Variants in PTAR1 observed in about 807,000 individuals in gnomAD.
The protein encoded by PTAR1 is protein prenyltransferase alpha subunit repeat-containing protein 1.
In PTAR1, 17 loss-of-function variants were observed where a neutral mutation model predicts 45.5. The ratio of observed to expected loss-of-function variants is 0.37; its 90% CI spans 0.26 to 0.56. The LOEUF (loss-of-function observed/expected upper bound fraction) is 0.56. PTAR1 is among the 20% of genes least tolerant of loss of function. The pLI, the probability that PTAR1 is intolerant of heterozygous loss-of-function variation, is 0.77. For synonymous variants in PTAR1, 169 were observed against 171.3 expected, an observed-to-expected ratio of 0.99 and a Z score of 0.11; for missense variants, 391 against 476.3, an observed-to-expected ratio of 0.82 and a Z score of 1.67.
At chr9:69,756,837 T>C (rs1157147889) in intron 1 of PTAR1, among the ~76,000 whole-genome samples, 1 of 152,006 alleles carries the variant, frequency 6.6e-6, no homozygotes, top group Non-Finnish European at 1.5e-5. Context: ...GCAGTTAGTC[T>C]TAGGTCTCAT....
intron 4 of PTAR1, among the ~76,000 whole-genome samples, 154 bp downstream of exon 4, chr9:69,733,996 C>T (rs1321698727): frequency 3.9e-5 from 6 of 151,956 alleles, no homozygotes; most frequent in Non-Finnish European, 7.4e-5. Context: ...ACTTAGGTAG[C>T]AAGTTATATA....
rs371331727 is a variant in PTAR1 at position 69,723,628 on chromosome 9, A to T, written c.645T>A (p.Ile215=). Residue 215 remains isoleucine (I), a splice_region_variant and synonymous_variant, in exon 6 of 8, where the codon ATT becomes ATA. Coordinates refer to ENST00000340434, the MANE Select transcript of PTAR1 (RefSeq NM_001099666.2). ...LQHLAKLDVK[I]LLDELSSTKH... is the part of the protein sequence containing the mutation. Reference sequence around the variant, plus strand: ...TAGTAGAAGATAGTTCATCAAGAAGAATCTTTTAAGAAGAAAAAAGGGAAG... The same window carrying T: ...TAGTAGAAGATAGTTCATCAAGAAGTATCTTTTAAGAAGAAAAAAGGGAAG... The T allele has an allele frequency of 6.3e-7, 1 of 1,597,138 alleles. No individual in the cohort carries two copies. Among genetic ancestry groups the T allele is most frequent in the Non-Finnish European group, 8.5e-7 (1 of 1,170,284 alleles).
In PTAR1 at chr9:69,750,928, A is replaced by C; in HGVS notation, c.109T>G (p.Cys37Gly). 1.0e-5 allele frequency: 16 copies of C among 1,601,136 alleles called. No individual in the cohort carries two copies. The highest frequency in any genetic ancestry group is 1.4e-5 in the Non-Finnish European group (16 of 1,174,128). ...CTCCGGTTATACCTAGCTTCAGGAC[A>C]TGGGATCAGGCCAATTTCATCTCTT... ...PHIDEIGLIP[C>G]PEARYNRSPI... The change falls in exon 2 of 8, where the codon TGT becomes GGT. Residue 37 changes from cysteine (C) to glycine (G), a missense_variant. Physicochemically the swap from Cys to Gly is radical, Grantham distance 159. Transcript: ENST00000340434.
At chr9:69,725,123 ACAG>A (rs1320922389) in intron 5 of PTAR1, among the ~76,000 whole-genome samples, 1 of 152,202 alleles carries the variant, frequency 6.6e-6, no homozygotes, top group Non-Finnish European at 1.5e-5. Flanking sequence ...TGGCTATAAT[ACAG>A]CAGCTTTTTT....
At position 69,729,496 on chromosome 9, in the gene PTAR1, C is replaced by T. The variant is rs973043297; in HGVS notation, c.642+2643G>A. ...AAGGGCTACAGCTTTTCTAGTTTTT[C>T]ACTACTATAAATGCTACTTTTATAT... On this transcript the variant is annotated intron_variant, in intron 5 of 7. Transcript: ENST00000340434. Among the ~76,000 whole-genome samples, 9 of 152,200 alleles carry T rather than the reference C, an allele frequency of 5.9e-5. No homozygotes were observed. The East Asian group carries it at 1.7e-3, about 29-fold the overall frequency.
rs2134061646 is a variant in PTAR1, at chr9:69,714,219, CA to C, written c.*4122del. On this transcript the variant is annotated 3_prime_UTR_variant, in exon 8 of 8. Coordinates refer to ENST00000340434, the MANE Select transcript of PTAR1 (RefSeq NM_001099666.2). ...TTCTATTTGAGAAATTTATTCAAGA[CA>C]AAAGGTTCAGTTGTTATCAGGTTCA... 1 of 152,040 alleles carries C rather than the reference CA, an allele frequency of 6.6e-6. No homozygotes were observed. The highest frequency in any genetic ancestry group is 2.4e-5 in the African/African-American group (1 of 41,482). 9.4% of individuals were successfully genotyped at this position (152,040 alleles called of 1,614,324 possible). A position where few individuals can be genotyped will look rare whatever the true frequency, so the allele number is the denominator to read the frequency against.
In PTAR1 at chr9:69,716,225, C is replaced by G. The variant is rs1464369405; in HGVS notation, c.*2117G>C. The G allele has an allele frequency of 1.3e-5, 2 of 152,028 alleles. No individual in the cohort carries two copies. The highest frequency in any genetic ancestry group is 4.8e-5 in the African/African-American group (2 of 41,396). The allele number at this position is 152,028 out of a possible 1,614,324, so 9.4% of individuals were successfully genotyped here. A position where few individuals can be genotyped will look rare whatever the true frequency, so the allele number is the denominator to read the frequency against. On this transcript the variant is annotated 3_prime_UTR_variant, in exon 8 of 8. Transcript: ENST00000340434. ...TATTTTAGTGGAATGGGCTGAACCACCCATGTCTTCTCTGTGTAGTTTGCC... is the reference window on the plus strand; with the variant it reads ...TATTTTAGTGGAATGGGCTGAACCAGCCATGTCTTCTCTGTGTAGTTTGCC...
intron 5 of PTAR1, among the ~76,000 whole-genome samples, chr9:69,726,524 T>C (rs1460747013): frequency 1.3e-5 from 2 of 152,058 alleles, no homozygotes; most frequent in Admixed American, 1.3e-4. Flanking sequence ...AAAAAAACTT[T>C]ATAAAGTTCT....
chr9:69,728,877 T>A (rs7850854), intron 5 of PTAR1, among the ~76,000 whole-genome samples: 3 of 152,074 alleles, frequency 2.0e-5, no homozygotes, highest in Non-Finnish European at 4.4e-5. Flanking sequence ...AAAACAAATA[T>A]ATGCTTTTAT....
At chr9:69,740,657 A>G (rs200979165) in intron 3 of PTAR1, among the ~76,000 whole-genome samples, 59,472 of 146,544 alleles carry the variant, frequency 0.41, 12,285 homozygotes, top group East Asian at 0.48. Flanking sequence ...CAAAGGGGAA[A>G]AAAAAAAAAA....
chr9:69,718,623 A>C, intron 7 of PTAR1, 27 bp downstream of exon 7: 1 of 1,612,920 alleles, frequency 6.2e-7, no homozygotes, highest in Non-Finnish European at 8.5e-7. Context: ...GCAGGTGACA[A>C]CTGGGTCATG....
At chr9:69,734,114 C>T in intron 4 of PTAR1, 36 bp downstream of exon 4, 1 of 1,131,220 alleles carries the variant, frequency 8.8e-7, no homozygotes, top group Non-Finnish European at 1.3e-6. Context: ...CAGTCTGAAT[C>T]CTAAGTAAGA....
In PTAR1 at chr9:69,725,603, A is replaced by T. The variant is rs527643884; in HGVS notation, c.643-1973T>A. On this transcript the variant is annotated intron_variant, in intron 5 of 7. Coordinates refer to ENST00000340434, the MANE Select transcript of PTAR1 (RefSeq NM_001099666.2). ...AGACTCCATCTCAAAAAAGAAAAAA[A>T]ATATATATATATATTTTCAACAAAA... Among the ~76,000 whole-genome samples, 204 of 151,174 alleles carry T rather than the reference A, an allele frequency of 1.3e-3. 1 individual carries two copies. The highest frequency in any genetic ancestry group is 4.5e-3 in the African/African-American group (186 of 41,330).
chr9:69,713,300 C>T lies in PTAR1; in HGVS notation c.*5042G>A, dbSNP rs1284931728. On this transcript the variant is annotated 3_prime_UTR_variant, in exon 8 of 8. Coordinates refer to ENST00000340434, the MANE Select transcript of PTAR1 (RefSeq NM_001099666.2). ...GGTTTCCTCTCCCACCTGAGATCCA[C>T]AACTGATTCATTGGTTTTCTGTCTT... is the stretch of plus-strand genomic sequence containing the variant. 2 of 152,130 alleles carry T rather than the reference C, an allele frequency of 1.3e-5. No individual in the cohort carries two copies. Among genetic ancestry groups the T allele is most frequent in the Non-Finnish European group, 2.9e-5 (2 of 68,018 alleles). 9.4% of individuals were successfully genotyped at this position (152,130 alleles called of 1,614,324 possible). A position where few individuals can be genotyped will look rare whatever the true frequency, so the allele number is the denominator to read the frequency against.
At chr9:69,749,803 G>A (rs1826442703) in intron 2 of PTAR1, among the ~76,000 whole-genome samples, 2 of 152,062 alleles carry the variant, frequency 1.3e-5, no homozygotes, top group African/African-American at 4.8e-5. Flanking sequence ...TCACTCAACT[G>A]TAAGCTTCCT....
At chr9:69,728,783 G>C (rs1564131604) in intron 5 of PTAR1, among the ~76,000 whole-genome samples, 1 of 152,026 alleles carries the variant, frequency 6.6e-6, no homozygotes, top group Non-Finnish European at 1.5e-5. Flanking sequence ...ACATCAGAGA[G>C]AACATAAAAT....
rs1824603860 is a variant in PTAR1, at chr9:69,713,495, A to T, written c.*4847T>A. 1 of 152,178 alleles carries T rather than the reference A, an allele frequency of 6.6e-6. No individual in the cohort carries two copies. The highest frequency in any genetic ancestry group is 2.4e-5 in the African/African-American group (1 of 41,452). The allele number at this position is 152,178 out of a possible 1,614,324, so 9.4% of individuals were successfully genotyped here. ...CATATACAAACAGATAAAATGATAC[A>T]TTTAAAATTTCATCTACGCATTTAC... is the stretch of plus-strand genomic sequence containing the variant. On this transcript the variant is annotated 3_prime_UTR_variant, in exon 8 of 8. Coordinates refer to ENST00000340434, the MANE Select transcript of PTAR1 (RefSeq NM_001099666.2).
chr9:69,735,501 G>T (rs1274262760), intron 3 of PTAR1, among the ~76,000 whole-genome samples: 1 of 152,152 alleles, frequency 6.6e-6, no homozygotes, highest in East Asian at 1.9e-4. Flanking sequence ...ATCTGCGGTT[G>T]GTTGAATCCA....
intron 5 of PTAR1, among the ~76,000 whole-genome samples, chr9:69,724,484 A>C (rs1825174260): frequency 6.6e-6 from 1 of 152,208 alleles, no homozygotes; most frequent in Non-Finnish European, 1.5e-5. Flanking sequence ...CCAGCTAAGG[A>C]AAAAAGACAT....
Sources: gnomAD v4.1 joint callset for allele counts (sites outside exome capture counted in the v4.1 genomes callset) on GRCh38, gnomAD v4.1.1 for gene constraint, MANE v1.5 for transcripts, NCBI Gene and HGNC (gene_info 2026-07-23, HGNC 2026-07-21) for gene names.